The following ULK4 variants were observed in gnomAD, a reference collection of about 807,000 sequenced individuals.
The protein encoded by ULK4 is inactive serine/threonine-protein kinase ULK4.
In ULK4, 133 loss-of-function variants were observed where a neutral mutation model predicts 160.6. The ratio of observed to expected loss-of-function variants is 0.83; its 90% CI spans 0.72 to 0.96. The LOEUF is 0.96. Ranked by LOEUF, ULK4 falls within the 40% of genes least tolerant of loss-of-function variation. ULK4 has a pLI of 0.00. For missense variants in ULK4, 1,580 were observed against 1,499.5 expected, an observed-to-expected ratio of 1.05 and a Z score of -0.89; for synonymous variants, 534 against 539.8, an observed-to-expected ratio of 0.99 and a Z score of 0.15.
At chr3:41,493,956 G>A (rs1341476691) in intron 32 of ULK4, among the ~76,000 whole-genome samples, 1 of 149,390 alleles carries the variant, frequency 6.7e-6, no homozygotes, top group Admixed American at 6.7e-5. Flanking sequence ...CAACCAAAAA[G>A]AGTCCAGGAC....
intron 33 of ULK4, among the ~76,000 whole-genome samples, chr3:41,456,152 C>T (rs1186037189): frequency 6.6e-6 from 1 of 152,192 alleles, no homozygotes; most frequent in Non-Finnish European, 1.5e-5. Context: ...TCACGTGATC[C>T]ACCCATCACA....
chr3:41,788,403 T>C (rs2040054932), intron 21 of ULK4, among the ~76,000 whole-genome samples: 1 of 152,180 alleles, frequency 6.6e-6, no homozygotes, highest in African/African-American at 2.4e-5. Flanking sequence ...TACACCTCTC[T>C]ACCTCTTATA....
At chr3:41,517,370 T>C (rs1365441522) in intron 32 of ULK4, among the ~76,000 whole-genome samples, 8 of 152,250 alleles carry the variant, frequency 5.3e-5, no homozygotes, top group African/African-American at 1.7e-4. Flanking sequence ...AGTTCTGCCC[T>C]CATGAATAGG....
intron 30 of ULK4, among the ~76,000 whole-genome samples, 187 bp from the exon 31 acceptor site, chr3:41,615,904 G>A (rs1342057761): frequency 1.3e-5 from 2 of 151,984 alleles, no homozygotes; most frequent in Non-Finnish European, 2.9e-5. Flanking sequence ...AGGCTTTTTT[G>A]CAAGTGACTA....
chr3:41,799,121 C>T (rs2040384828), intron 20 of ULK4, among the ~76,000 whole-genome samples: 1 of 151,996 alleles, frequency 6.6e-6, no homozygotes, highest in African/African-American at 2.4e-5. Flanking sequence ...AAGGAAAGAA[C>T]ACAAAGTAAG....
In ULK4 at chr3:41,463,174, C is replaced by T. The variant is rs1002910840; in HGVS notation, c.3306G>A (p.Glu1102=). The T allele has an allele frequency of 1.2e-6, 2 of 1,613,614 alleles. No homozygotes were observed. Among genetic ancestry groups the T allele is most frequent in the African/African-American group, 2.7e-5 (2 of 74,870 alleles). Residue 1102 remains glutamate, a synonymous_variant, in exon 33 of 37, where the codon GAG becomes GAA. Transcript: ENST00000301831. ...GGGAAAAGAGCAGTGGAGCTGCCATCTCATTGTTGTTTTTATTGTCCACAT... is the reference window on the plus strand; with the variant it reads ...GGGAAAAGAGCAGTGGAGCTGCCATTTCATTGTTGTTTTTATTGTCCACAT... ...CLDVDNKNNN[E]MAAPLLFSLL...
intron 17 of ULK4, chr3:41,868,993 A>G (rs1210898963): frequency 2.0e-5 from 3 of 152,090 alleles, no homozygotes; most frequent in African/African-American, 7.2e-5. Context: ...ATGGTAATTT[A>G]GTTTTTAAGA....
rs1040949495 is a variant in ULK4 at position 41,578,804 on chromosome 3, G to A, written c.3121-12674C>T. Among the ~76,000 whole-genome samples the A allele has an allele frequency of 1.4e-4, 22 of 152,288 alleles. No individual in the cohort carries two copies. In the East Asian group the frequency reaches 3.1e-3, roughly 21 times the overall value. ...AAGTGGGAATAATAAGGAAATTCTA[G>A]AAGTCAAGAGACTGGCCAACTTGAT... is the stretch of plus-strand genomic sequence containing the variant. On this transcript the variant is annotated intron_variant, in intron 31 of 36. Transcript: ENST00000301831.
At chr3:41,632,378 G>C (rs750455277) in intron 30 of ULK4, among the ~76,000 whole-genome samples, 2 of 151,780 alleles carry the variant, frequency 1.3e-5, no homozygotes, top group Non-Finnish European at 2.9e-5. Context: ...AATTTTTTTG[G>C]TCCGGATAAC....
rs908126425 is a variant in ULK4 at position 41,570,318 on chromosome 3, T to C, written c.3121-4188A>G. ...TGCAGTGAACGTTAATGTTTTAATG[T>C]TTCACTGACACCAGCTTAAGAAGAT... On this transcript the variant is annotated intron_variant, in intron 31 of 36. Transcript: ENST00000301831. Among the ~76,000 whole-genome samples, 22 of 152,350 alleles carry C rather than the reference T, an allele frequency of 1.4e-4. No individual in the cohort carries two copies. The East Asian group carries it at 1.5e-3, about 11-fold the overall frequency.
intron 25 of ULK4, among the ~76,000 whole-genome samples, chr3:41,706,947 T>C (rs1028959564): frequency 2.7e-5 from 4 of 147,894 alleles, no homozygotes; most frequent in African/African-American, 1.0e-4. Context: ...CAAAAGAACA[T>C]AGGTATGTAT....
chr3:41,313,294 C>T (rs1403485386), intron 35 of ULK4, among the ~76,000 whole-genome samples: 1 of 152,166 alleles, frequency 6.6e-6, no homozygotes, highest in African/African-American at 2.4e-5. Context: ...GTACCAATTT[C>T]ATATGGTTGT....
intron 17 of ULK4, among the ~76,000 whole-genome samples, chr3:41,848,884 C>G (rs929520572): frequency 1.3e-5 from 2 of 152,202 alleles, no homozygotes; most frequent in African/African-American, 4.8e-5. Context: ...CAGTTTCCTG[C>G]CCTTCCTTGA....
At chr3:41,606,356 C>T (rs2032383866) in intron 31 of ULK4, among the ~76,000 whole-genome samples, 1 of 151,928 alleles carries the variant, frequency 6.6e-6, no homozygotes, top group African/African-American at 2.4e-5. Context: ...CATATACATG[C>T]CACATTTGCT....
intron 32 of ULK4, among the ~76,000 whole-genome samples, chr3:41,464,348 C>T (rs904157772): frequency 6.6e-6 from 1 of 152,072 alleles, no homozygotes; most frequent in South Asian, 2.1e-4. Flanking sequence ...AGTTATACCT[C>T]CTGTGGCCAA....
intron 11 of ULK4, among the ~76,000 whole-genome samples, chr3:41,909,030 T>C (rs148463328): frequency 0.012 from 1,710 of 147,224 alleles, 17 homozygotes; most frequent in Non-Finnish European, 0.018. Context: ...GAGGTGGAGA[T>C]TGCAGTGAGC....
At chr3:41,686,278 A>G (rs1278067064) in intron 27 of ULK4, among the ~76,000 whole-genome samples, 1 of 152,250 alleles carries the variant, frequency 6.6e-6, no homozygotes, top group African/African-American at 2.4e-5. Flanking sequence ...TCAATTTATA[A>G]ATATGTATAT....
chr3:41,613,007 A>C (rs1368030372), intron 31 of ULK4, among the ~76,000 whole-genome samples: 1 of 152,180 alleles, frequency 6.6e-6, no homozygotes, highest in Non-Finnish European at 1.5e-5. Context: ...TAAATGAATC[A>C]AATGATGTTT....
intron 35 of ULK4, among the ~76,000 whole-genome samples, chr3:41,321,524 A>G (rs1342615696): frequency 6.6e-6 from 1 of 152,116 alleles, no homozygotes; most frequent in Non-Finnish European, 1.5e-5. Context: ...CACACCACCC[A>G]GGAATGTGAG....
Sources: allele counts gnomAD v4.1 joint callset (sites outside exome capture counted in the v4.1 genomes callset), GRCh38; gene constraint gnomAD v4.1.1; transcripts MANE v1.5; gene names NCBI Gene and HGNC (gene_info 2026-07-23, HGNC 2026-07-21).